Variants in GAB2 observed in about 807,000 individuals in gnomAD.
GAB2 encodes GRB2-associated-binding protein 2.
A neutral mutation model predicts 65.5 loss-of-function variants in GAB2; 26 were observed. The observed-to-expected ratio is 0.40, with a 90% CI of 0.29 to 0.55. The LOEUF is 0.55. Among genes scored for constraint, GAB2 ranks in the 20% least tolerant of loss-of-function variants. The probability of loss-of-function intolerance (pLI) is 0.53; values close to 1 mark genes in which losing one functional copy is unlikely to be tolerated. For missense variants in GAB2, 884 were observed against 875.8 expected (o/e 1.01, Z -0.12); for synonymous variants, 321 against 329.6 (o/e 0.97, Z 0.28).
chr11:78,258,207 A>G (rs1865644414), intron 2 of GAB2, among the ~76,000 whole-genome samples: 2 of 152,214 alleles, frequency 1.3e-5, no homozygotes, highest in Admixed American at 1.3e-4. Flanking sequence ...CTCATTAGTC[A>G]TATTTACAGA....
chr11:78,395,228 C>T (rs534786480), intron 1 of GAB2, among the ~76,000 whole-genome samples: 11 of 152,196 alleles, frequency 7.2e-5, no homozygotes, highest in East Asian at 5.8e-4. Flanking sequence ...CCAAGGCAGG[C>T]GGATCACATC....
chr11:78,417,357 T>C lies in GAB2; in HGVS notation c.75+289A>G, dbSNP rs1857211771. Among the ~76,000 whole-genome samples, 3 of 151,812 alleles carry C rather than the reference T, an allele frequency of 2.0e-5. No individual in the cohort carries two copies. In the South Asian group the frequency reaches 6.2e-4, roughly 32 times the overall value. On this transcript the variant is annotated intron_variant, in intron 1 of 9. Coordinates refer to ENST00000361507, the MANE Select transcript of GAB2 (RefSeq NM_080491.3). ...TCTCCAGAAGCCATCAATACAAAACTTCGACACTGTATTTAGTTCACGAGC... is the reference window on the plus strand; with the variant it reads ...TCTCCAGAAGCCATCAATACAAAACCTCGACACTGTATTTAGTTCACGAGC...
chr11:78,396,075 A>C (rs916853168), intron 1 of GAB2, among the ~76,000 whole-genome samples: 4 of 152,226 alleles, frequency 2.6e-5, no homozygotes, highest in African/African-American at 9.6e-5. Context: ...TGCATTTAAA[A>C]TCTTACAGAT....
rs887224930 is a variant in GAB2, at chr11:78,229,317, G to T, written c.621-2266C>A. Among the ~76,000 whole-genome samples the T allele has an allele frequency of 2.0e-5, 3 of 152,166 alleles. No homozygotes were observed. The East Asian group carries it at 5.8e-4, about 29-fold the overall frequency. On this transcript the variant is annotated intron_variant, in intron 3 of 9. Coordinates refer to ENST00000361507, the MANE Select transcript of GAB2 (RefSeq NM_080491.3). ...TGGCAAGTTCTAGAAACTCGAAGCT[G>T]CTCAGGCTGCAGCAAGCACATTAGA...
At chr11:78,370,037 C>G (rs1001524674) in intron 1 of GAB2, among the ~76,000 whole-genome samples, 3 of 151,820 alleles carry the variant, frequency 2.0e-5, no homozygotes, top group Non-Finnish European at 4.4e-5. Context: ...GCGGGCGGAT[C>G]ACGAGGTCAG....
At chr11:78,379,027 A>C (rs1201038396) in intron 1 of GAB2, among the ~76,000 whole-genome samples, 1 of 152,248 alleles carries the variant, frequency 6.6e-6, no homozygotes, top group African/African-American at 2.4e-5. Context: ...TGTTGCAAGG[A>C]AGGAGAAAGG....
chr11:78,386,484 A>G (rs73502929), intron 1 of GAB2, among the ~76,000 whole-genome samples: 4,197 of 152,330 alleles, frequency 0.028, 166 homozygotes, highest in African/African-American at 0.089. Flanking sequence ...GAAAGTACAC[A>G]TAAGTAATGA....
chr11:78,389,482 A>AT (rs1856807557), intron 1 of GAB2, among the ~76,000 whole-genome samples: 1 of 151,934 alleles, frequency 6.6e-6, no homozygotes, highest in Non-Finnish European at 1.5e-5. Flanking sequence ...AATTTTTTGT[A>AT]TTTTTAATAG....
At chr11:78,246,430 C>A (rs1865299651) in intron 3 of GAB2, among the ~76,000 whole-genome samples, 1 of 152,104 alleles carries the variant, frequency 6.6e-6, no homozygotes, top group Admixed American at 6.6e-5. Context: ...GATTACAGAT[C>A]CTGAATGCTG....
In GAB2 at chr11:78,417,706, G is replaced by A; in HGVS notation, c.15C>T (p.Gly5=). The A allele has an allele frequency of 5.2e-6, 7 of 1,339,614 alleles. No individual in the cohort carries two copies. The highest frequency in any genetic ancestry group is 4.0e-5 in the East Asian group (1 of 25,040). The allele number at this position is 1,339,614 out of a possible 1,614,324, so 83.0% of individuals were successfully genotyped here. The change falls in exon 1 of 10, where the codon GGC becomes GGT. Residue 5 remains glycine (G), a synonymous_variant. Transcript: ENST00000361507. ...TCAGCCAGCCGGTGCACACCACGTC[G>A]CCGCCGCCGCTCATGCTGCCGGCCT... MSGG[G]DVVCTGWLRK...
At chr11:78,256,922 T>C (rs1865609776) in intron 2 of GAB2, among the ~76,000 whole-genome samples, 1 of 152,176 alleles carries the variant, frequency 6.6e-6, no homozygotes, top group Non-Finnish European at 1.5e-5. Context: ...TGGAGGTTTC[T>C]AGACTCCTGG....
chr11:78,223,290 A>G, intron 6 of GAB2, 122 bp downstream of exon 6: 1 of 751,566 alleles, frequency 1.3e-6, no homozygotes, highest in East Asian at 2.9e-5. Context: ...ACTGAGACTC[A>G]GATTTTACAT....
intron 1 of GAB2, among the ~76,000 whole-genome samples, chr11:78,415,939 C>CTTTTT (rs1303081510): frequency 1.0e-4 from 13 of 129,002 alleles, no homozygotes; most frequent in African/African-American, 3.4e-4. Flanking sequence ...TTAAGGGTCA[C>CTTTTT]TTTTTTTTTT....
intron 1 of GAB2, among the ~76,000 whole-genome samples, chr11:78,353,402 T>C (rs190340914): frequency 7.9e-5 from 12 of 152,266 alleles, no homozygotes; most frequent in African/African-American, 9.6e-5. Context: ...GATTGTGCCA[T>C]TGCACTCCAG....
chr11:78,380,422 T>A (rs1856683223), intron 1 of GAB2, among the ~76,000 whole-genome samples: 1 of 152,138 alleles, frequency 6.6e-6, no homozygotes, highest in Admixed American at 6.5e-5. Context: ...GCCAGGATGG[T>A]CTCAATCTCT....
At chr11:78,398,417 C>G (rs184043308) in intron 1 of GAB2, among the ~76,000 whole-genome samples, 1 of 152,102 alleles carries the variant, frequency 6.6e-6, no homozygotes, top group African/African-American at 2.4e-5. Flanking sequence ...CATTCACTTA[C>G]GTGATATTTA....
At chr11:78,307,850 C>A (rs1175878533) in intron 1 of GAB2, among the ~76,000 whole-genome samples, 1 of 152,066 alleles carries the variant, frequency 6.6e-6, no homozygotes, top group Non-Finnish European at 1.5e-5. Context: ...ACCCAGATAG[C>A]TGGTAAAGCA....
rs1865853080 is a variant in GAB2 at position 78,265,513 on chromosome 11, G to T, written c.376+15088C>A. Among the ~76,000 whole-genome samples the T allele has an allele frequency of 2.0e-5, 3 of 152,064 alleles. No individual in the cohort carries two copies. In the South Asian group the frequency reaches 6.2e-4, roughly 32 times the overall value. ...TTGGCTGAGTGTTCTTGCTAATAATGATTCACTAGCCATGAAGAATTTTGT... is the reference window on the plus strand; with the variant it reads ...TTGGCTGAGTGTTCTTGCTAATAATTATTCACTAGCCATGAAGAATTTTGT... On this transcript the variant is annotated intron_variant, in intron 2 of 9. Coordinates refer to ENST00000361507, the MANE Select transcript of GAB2 (RefSeq NM_080491.3).
intron 1 of GAB2, among the ~76,000 whole-genome samples, chr11:78,304,708 G>A (rs912736402): frequency 6.6e-6 from 1 of 152,132 alleles, no homozygotes; most frequent in Non-Finnish European, 1.5e-5. Context: ...CCTGCAGCCT[G>A]ACATTAAAGT....
Sources: gnomAD v4.1 joint callset for allele counts (sites outside exome capture counted in the v4.1 genomes callset) on GRCh38, gnomAD v4.1.1 for gene constraint, MANE v1.5 for transcripts, NCBI Gene and HGNC (gene_info 2026-07-23, HGNC 2026-07-21) for gene names.